SIK3: variants seen among roughly 807,000 people sequenced by gnomAD.
The protein encoded by SIK3 is SIK family kinase 3, also known as serine/threonine-protein kinase SIK3.
SIK3 carries 28 observed loss-of-function variants against 144.2 expected under a neutral mutation model. The ratio of observed to expected loss-of-function variants is 0.19; its 90% CI spans 0.14 to 0.27. The LOEUF (loss-of-function observed/expected upper bound fraction) is 0.27, where lower values mean the gene tolerates loss of function less well. Ranked by LOEUF, SIK3 falls within the 10% of genes least tolerant of loss-of-function variation. The probability of loss-of-function intolerance (pLI) is 1.00; values close to 1 mark genes in which losing one functional copy is unlikely to be tolerated. For synonymous variants in SIK3, 686 were observed against 676.3 expected (o/e 1.01, Z -0.22); for missense variants, 1,319 against 1,776.0 (o/e 0.74, Z 4.62).
intron 6 of SIK3, among the ~76,000 whole-genome samples, chr11:116,883,276 A>G (rs185544570): frequency 7.4e-4 from 112 of 152,368 alleles, no homozygotes; most frequent in East Asian, 1.3e-3. Flanking sequence ...TAAAAGACAA[A>G]CTGCACACAA....
chr11:116,927,808 G>T (rs2135136056), intron 3 of SIK3, among the ~76,000 whole-genome samples: 1 of 152,288 alleles, frequency 6.6e-6, no homozygotes, highest in South Asian at 2.1e-4. Context: ...AATCATTTAA[G>T]GAAAGGGTGG....
intron 1 of SIK3, among the ~76,000 whole-genome samples, chr11:117,034,751 T>C (rs1444043557): frequency 6.6e-6 from 1 of 152,220 alleles, no homozygotes; most frequent in Non-Finnish European, 1.5e-5. Context: ...TTACCTGGAA[T>C]TATACAGTAA....
chr11:116,914,065 A>G (rs1027810668), intron 4 of SIK3, among the ~76,000 whole-genome samples: 1 of 152,292 alleles, frequency 6.6e-6, no homozygotes, highest in East Asian at 1.9e-4. Flanking sequence ...AGAGTAGGTA[A>G]CAAAATACTA....
At position 116,875,992 on chromosome 11, in the gene SIK3, G is replaced by A. The variant is rs748506594; in HGVS notation, c.1113C>T (p.Ala371=). 3 of 1,613,280 alleles carry A rather than the reference G, an allele frequency of 1.9e-6. No individual in the cohort carries two copies. Among genetic ancestry groups the A allele is most frequent in the African/African-American group, 1.3e-5 (1 of 74,838 alleles). Reference sequence around the variant, plus strand: ...TGTAGATTGCACTATAGTGATCATAGGCATCTGATCTTAATGACTACCAAG... The same window carrying A: ...TGTAGATTGCACTATAGTGATCATAAGCATCTGATCTTAATGACTACCAAG... The part of the protein sequence containing the change: ...EQTLQSLRSD[A]YDHYSAIYSL... The change falls in exon 9 of 25, where the codon GCC becomes GCT. Residue 371 remains alanine, a synonymous_variant. Transcript: ENST00000445177.
chr11:116,854,192 T>C (rs1337704343), intron 21 of SIK3, among the ~76,000 whole-genome samples: 1 of 152,090 alleles, frequency 6.6e-6, no homozygotes, highest in Non-Finnish European at 1.5e-5. Flanking sequence ...AGACCCCATC[T>C]ATACCAAAGG....
intron 1 of SIK3, among the ~76,000 whole-genome samples, chr11:117,013,986 T>TTTTTTTTTTTTTC: frequency 1.0e-5 from 1 of 97,594 alleles, no homozygotes; most frequent in Non-Finnish European, 2.2e-5. Flanking sequence ...TTTTTTTTTT[T>TTTTTTTTTTTTTC]TTTTTTTTGA....
chr11:117,096,102 G>T (rs369794084), intron 1 of SIK3, among the ~76,000 whole-genome samples: 81 of 152,266 alleles, frequency 5.3e-4, no homozygotes, highest in African/African-American at 1.9e-3. Context: ...TAGAAAGCGG[G>T]CAGACCAGCC....
chr11:116,998,867 A>G (rs192168059), intron 1 of SIK3, among the ~76,000 whole-genome samples: 1 of 152,364 alleles, frequency 6.6e-6, no homozygotes, highest in African/African-American at 2.4e-5. Flanking sequence ...TATTGATCAT[A>G]CAAATATAGA....
intron 1 of SIK3, among the ~76,000 whole-genome samples, chr11:117,021,611 G>A (rs1951764561): frequency 6.6e-6 from 1 of 151,950 alleles, no homozygotes; most frequent in Admixed American, 6.6e-5. Context: ...GTTTTAAGAT[G>A]TAAAGTCTAT....
At chr11:116,851,076 A>G (rs1412372033) in intron 21 of SIK3, among the ~76,000 whole-genome samples, 1 of 152,240 alleles carries the variant, frequency 6.6e-6, no homozygotes, top group African/African-American at 2.4e-5. Flanking sequence ...ATACCATTCT[A>G]TGGACTAGAA....
chr11:116,890,723 A>G lies in SIK3; in HGVS notation c.865+5530T>C, dbSNP rs150747955. Among the ~76,000 whole-genome samples the G allele has an allele frequency of 1.4e-3, 206 of 152,304 alleles. 1 individual carries two copies. The highest frequency in any genetic ancestry group is 4.4e-3 in the African/African-American group (184 of 41,568). On this transcript the variant is annotated intron_variant, in intron 6 of 24. Transcript: ENST00000445177. ...TCCAATCTAATTTTTTTTATTCTGA[A>G]TTCTAGAATACAGGAGTGGGTGGAG...
rs935058550 is a variant in SIK3, at chr11:116,874,033, T to G, written c.1451A>C (p.Gln484Pro). Reference sequence around the variant, plus strand: ...TCCAGGAAAGCCAGGTAGGAGCTTCTGCAGATCTTCCATAACTTCCGTGCT... The same window carrying G: ...TCCAGGAAAGCCAGGTAGGAGCTTCGGCAGATCTTCCATAACTTCCGTGCT... The part of the protein sequence containing the change: ...DPRTEVMEDL[Q>P]KLLPGFPGVN... The change falls in exon 12 of 25, where the codon CAG (glutamine) becomes CCG (proline). Residue 484 changes from glutamine to proline, a missense_variant. By Grantham distance (76) the Gln-to-Pro change is moderately conservative. Coordinates refer to ENST00000445177, the MANE Select transcript of SIK3 (RefSeq NM_001366686.3). The G allele has an allele frequency of 5.0e-6, 8 of 1,613,912 alleles. No homozygotes were observed. In the African/African-American group the frequency reaches 9.3e-5, roughly 19 times the overall value.
chr11:117,061,747 C>T (rs779690035), intron 1 of SIK3, among the ~76,000 whole-genome samples: 3 of 151,976 alleles, frequency 2.0e-5, no homozygotes, highest in Non-Finnish European at 2.9e-5. Flanking sequence ...GCACTGTATT[C>T]GCTGGTATGA....
intron 1 of SIK3, among the ~76,000 whole-genome samples, chr11:117,021,199 A>G (rs1403290831): frequency 6.6e-6 from 1 of 152,262 alleles, no homozygotes; most frequent in Non-Finnish European, 1.5e-5. Flanking sequence ...TCTAGGAGTC[A>G]TCCACAGTCA....
intron 3 of SIK3, among the ~76,000 whole-genome samples, chr11:116,930,207 C>T (rs139502537): frequency 4.0e-4 from 61 of 152,156 alleles, no homozygotes; most frequent in African/African-American, 1.2e-3. Flanking sequence ...GTGGCTCAAT[C>T]GCATTCAGAC....
At chr11:116,872,422 T>C (rs183542120) in intron 13 of SIK3, among the ~76,000 whole-genome samples, 76 of 152,336 alleles carry the variant, frequency 5.0e-4, no homozygotes, top group African/African-American at 1.6e-3. Context: ...CTTAATCACA[T>C]ATGATCTTGT....
At chr11:117,080,720 G>C (rs2136049192) in intron 1 of SIK3, among the ~76,000 whole-genome samples, 1 of 152,294 alleles carries the variant, frequency 6.6e-6, no homozygotes, top group South Asian at 2.1e-4. Context: ...GGCTGAGGCA[G>C]GGGGATCACT....
intron 1 of SIK3, among the ~76,000 whole-genome samples, chr11:117,028,221 A>C (rs1451789023): frequency 6.6e-6 from 1 of 152,138 alleles, no homozygotes; most frequent in Non-Finnish European, 1.5e-5. Flanking sequence ...TGACTCCAAA[A>C]TCTGTGACTT....
At chr11:116,945,145 G>A (rs1948519290) in intron 3 of SIK3, among the ~76,000 whole-genome samples, 1 of 151,944 alleles carries the variant, frequency 6.6e-6, no homozygotes, top group Non-Finnish European at 1.5e-5. Context: ...ATTTTTAGTA[G>A]AGACAGGGTT....
Sources: gnomAD v4.1 joint callset for allele counts (sites outside exome capture counted in the v4.1 genomes callset) on GRCh38, gnomAD v4.1.1 for gene constraint, MANE v1.5 for transcripts, NCBI Gene and HGNC (gene_info 2026-07-23, HGNC 2026-07-21) for gene names.